The following ZCCHC7 variants were observed in gnomAD, a reference collection of about 807,000 sequenced individuals.
ZCCHC7 encodes zinc finger CCHC-type containing 7.
ZCCHC7 carries 35 observed loss-of-function variants against 52.0 expected under a neutral mutation model. The ratio of observed to expected loss-of-function variants is 0.67; its 90% CI spans 0.51 to 0.89. The LOEUF is 0.89. Ranked by LOEUF, ZCCHC7 falls within the 40% of genes least tolerant of loss-of-function variation. The pLI, the probability that ZCCHC7 is intolerant of heterozygous loss-of-function variation, is 0.00. For synonymous variants in ZCCHC7, 217 were observed against 221.5 expected (o/e 0.98, Z 0.18); for missense variants, 574 against 649.1 (o/e 0.88, Z 1.26).
chr9:37,273,824 G>A (rs1009143347), intron 2 of ZCCHC7, among the ~76,000 whole-genome samples: 1 of 149,458 alleles, frequency 6.7e-6, no homozygotes, highest in African/African-American at 2.6e-5. Context: ...TATTCCCTAT[G>A]TGTTTTTTTT....
chr9:37,229,811 T>C (rs981490583), intron 2 of ZCCHC7, among the ~76,000 whole-genome samples: 1 of 152,244 alleles, frequency 6.6e-6, no homozygotes, highest in Non-Finnish European at 1.5e-5. Flanking sequence ...AACTTTTTAC[T>C]TTTTAAACTT....
chr9:37,142,322 T>A (rs1323665988), intron 2 of ZCCHC7, among the ~76,000 whole-genome samples: 1 of 151,740 alleles, frequency 6.6e-6, no homozygotes, highest in Non-Finnish European at 1.5e-5. Context: ...TTGTGAGGTG[T>A]CTAAAATGCT....
intron 2 of ZCCHC7, among the ~76,000 whole-genome samples, chr9:37,189,050 CCTGT>C (rs1822879502): frequency 1.5e-5 from 2 of 136,502 alleles, no homozygotes; most frequent in Non-Finnish European, 3.1e-5. Flanking sequence ...AGCTATCTAG[CCTGT>C]CTAATGAGAT....
chr9:37,340,466 G>A (rs921429455), intron 6 of ZCCHC7, among the ~76,000 whole-genome samples: 21 of 150,776 alleles, frequency 1.4e-4, no homozygotes, highest in Admixed American at 2.6e-4. Flanking sequence ...TTTGGTATCC[G>A]TTGGGTCAAA....
intron 2 of ZCCHC7, 96 bp downstream of exon 2, chr9:37,127,038 A>G: frequency 6.9e-7 from 1 of 1,439,036 alleles, no homozygotes; most frequent in Non-Finnish European, 9.3e-7. Flanking sequence ...ACTCCGTTTA[A>G]TTCCTCACTT....
chr9:37,200,955 G>C (rs1823598969), intron 2 of ZCCHC7, among the ~76,000 whole-genome samples: 1 of 152,174 alleles, frequency 6.6e-6, no homozygotes, highest in Admixed American at 6.5e-5. Flanking sequence ...ATTGTGAATA[G>C]GAATTTTAAT....
intron 2 of ZCCHC7, among the ~76,000 whole-genome samples, chr9:37,296,078 C>A (rs150594516): frequency 2.3e-4 from 35 of 152,036 alleles, no homozygotes; most frequent in African/African-American, 8.2e-4. Flanking sequence ...AGGCATAAAC[C>A]ACAATTACTT....
intron 2 of ZCCHC7, among the ~76,000 whole-genome samples, chr9:37,172,040 GA>G (rs1821758031): frequency 6.6e-6 from 1 of 152,088 alleles, no homozygotes; most frequent in South Asian, 2.1e-4. Context: ...TTTAATAAAT[GA>G]GGCGAGTTTT....
intron 2 of ZCCHC7, chr9:37,186,713 C>A: frequency 1.7e-6 from 1 of 581,792 alleles, no homozygotes. Flanking sequence ...TCCTTGCAGG[C>A]CAAGAATAAA....
At chr9:37,246,247 G>T (rs1393630790) in intron 2 of ZCCHC7, among the ~76,000 whole-genome samples, 1 of 152,118 alleles carries the variant, frequency 6.6e-6, no homozygotes, top group African/African-American at 2.4e-5. Context: ...TGAGGTGCTT[G>T]TGGATGATCT....
chr9:37,195,092 G>T (rs186582423), intron 2 of ZCCHC7, among the ~76,000 whole-genome samples: 1 of 151,514 alleles, frequency 6.6e-6, no homozygotes. Context: ...GATTACAGGC[G>T]TGCACCACCA....
chr9:37,323,759 T>C (rs1372064260), intron 5 of ZCCHC7, among the ~76,000 whole-genome samples: 3 of 152,202 alleles, frequency 2.0e-5, no homozygotes, highest in African/African-American at 7.2e-5. Context: ...CTTTTCAAAA[T>C]TTTCCTTCTA....
intron 2 of ZCCHC7, among the ~76,000 whole-genome samples, chr9:37,296,928 T>TGTGTGTGTGTGTGTGTGTGTGTGTG (rs1564235226): frequency 6.8e-6 from 1 of 147,518 alleles, no homozygotes; most frequent in African/African-American, 2.5e-5. Context: ...TGTGTGTGTG[T>TGTGTGTGTGTGTGTGTGTGTGTGTG]TTCGTAGAGA....
chr9:37,232,142 T>C (rs1287324569), intron 2 of ZCCHC7, among the ~76,000 whole-genome samples: 2 of 152,242 alleles, frequency 1.3e-5, no homozygotes, highest in African/African-American at 4.8e-5. Flanking sequence ...ATCAGACGTG[T>C]ACTAAGCAGT....
intron 1 of ZCCHC7, among the ~76,000 whole-genome samples, chr9:37,123,850 G>A (rs145398229): frequency 7.2e-5 from 11 of 152,316 alleles, no homozygotes; most frequent in East Asian, 3.9e-4. Context: ...GATGAATGCT[G>A]TGAGCATTAT....
intron 2 of ZCCHC7, among the ~76,000 whole-genome samples, chr9:37,278,693 T>C (rs1387041069): frequency 6.6e-6 from 1 of 152,144 alleles, no homozygotes; most frequent in Non-Finnish European, 1.5e-5. Context: ...AAAAATCTTA[T>C]AAATAGTAAC....
chr9:37,234,260 A>G (rs1825541735), intron 2 of ZCCHC7, among the ~76,000 whole-genome samples: 1 of 152,162 alleles, frequency 6.6e-6, no homozygotes, highest in African/African-American at 2.4e-5. Context: ...AAGCATTAAC[A>G]CTAGCTCATC....
chr9:37,191,681 G>T (rs545106378), intron 2 of ZCCHC7, among the ~76,000 whole-genome samples: 30 of 152,274 alleles, frequency 2.0e-4, no homozygotes, highest in African/African-American at 7.0e-4. Flanking sequence ...GTTGCTAAAG[G>T]TAAGGTTCAG....
At chr9:37,126,969 A>C in intron 2 of ZCCHC7, 27 bp downstream of exon 2, 2 of 1,604,884 alleles carry the variant, frequency 1.2e-6, no homozygotes, top group African/African-American at 1.3e-5. Context: ...CCATTTTGAA[A>C]GTAGTATCAT....
Sources: gnomAD v4.1 joint callset for allele counts (sites outside exome capture counted in the v4.1 genomes callset) on GRCh38, gnomAD v4.1.1 for gene constraint, MANE v1.5 for transcripts, NCBI Gene and HGNC (gene_info 2026-07-23, HGNC 2026-07-21) for gene names.